The following FSIP1 variants were observed in gnomAD, a reference collection of about 807,000 sequenced individuals.
FSIP1 encodes fibrous sheath-interacting protein 1.
FSIP1 carries 65 observed loss-of-function variants against 60.9 expected under a neutral mutation model. That is an observed-to-expected ratio of 1.07 (90% CI 0.87 to 1.31). The LOEUF (loss-of-function observed/expected upper bound fraction) is 1.31. Among genes scored for constraint, FSIP1 ranks in the 40% most tolerant of loss-of-function variants. The pLI is 0.00. For synonymous variants in FSIP1, 209 were observed against 221.2 expected (o/e 0.94, Z 0.49); for missense variants, 675 against 665.5 (o/e 1.01, Z -0.16).
At chr15:39,771,655 G>A (rs1211920537) in intron 2 of FSIP1, among the ~76,000 whole-genome samples, 5 of 152,202 alleles carry the variant, frequency 3.3e-5, no homozygotes, top group African/African-American at 1.2e-4. Flanking sequence ...ACCCTATGGT[G>A]TAAGTTTCTC....
intron 9 of FSIP1, among the ~76,000 whole-genome samples, chr15:39,720,050 A>G (rs1895893973): frequency 6.6e-6 from 1 of 152,194 alleles, no homozygotes; most frequent in African/African-American, 2.4e-5. Flanking sequence ...GCATACATTT[A>G]AAAAATCCTA....
rs1896210870 is a variant in FSIP1, at chr15:39,726,695, G to A, written c.944C>T (p.Thr315Ile). ...VPVKGYELAV[T>I]QHQQLAEIDI... ...AATTTCAGCAAGCTGCTGATGCTGG[G>A]TGACTGCAAGTTCATATCCTTTTAC... The change falls in exon 9 of 12, where the codon ACC (threonine) becomes ATC (isoleucine). Residue 315 changes from threonine (T) to isoleucine (I), a missense_variant. Physicochemically the swap from Thr to Ile is moderately conservative, Grantham distance 89. Coordinates refer to ENST00000350221, the MANE Select transcript of FSIP1 (RefSeq NM_152597.5). 1 of 1,614,056 alleles carries A rather than the reference G, an allele frequency of 6.2e-7. No individual in the cohort carries two copies.
rs536498351 is a variant in FSIP1, at chr15:39,739,791, T to C, written c.656-2A>G. 1.9e-4 allele frequency: 292 copies of C among 1,546,246 alleles called. No homozygotes were observed. Among genetic ancestry groups the C allele is most frequent in the Non-Finnish European group, 2.5e-4 (284 of 1,153,328 alleles). ...TTCTTTCCACATCACAGGTAAAATC[T>C]AATATTAAAAAAGTTCAAAATTTTT... On this transcript the variant is annotated splice_acceptor_variant, in intron 6 of 11. Transcript: ENST00000350221. LOFTEE classifies it high-confidence loss of function.
At chr15:39,602,920 A>T (rs1018980254) in intron 11 of FSIP1, among the ~76,000 whole-genome samples, 1 of 152,174 alleles carries the variant, frequency 6.6e-6, no homozygotes, top group Non-Finnish European at 1.5e-5. Context: ...AGTAACAAAA[A>T]ATTTTTCATC....
chr15:39,723,354 G>A (rs1004626585), intron 9 of FSIP1, among the ~76,000 whole-genome samples: 6 of 152,128 alleles, frequency 3.9e-5, no homozygotes, highest in South Asian at 2.1e-4. Context: ...TCAGCCTCCC[G>A]AGTAGCTGGG....
intron 10 of FSIP1, among the ~76,000 whole-genome samples, chr15:39,644,442 A>G (rs1023484870): frequency 1.2e-4 from 18 of 152,280 alleles, no homozygotes; most frequent in African/African-American, 4.1e-4. Context: ...CTGCTGAACC[A>G]GGCTGCCATG....
At chr15:39,697,981 G>A (rs2140517826) in intron 10 of FSIP1, among the ~76,000 whole-genome samples, 1 of 151,356 alleles carries the variant, frequency 6.6e-6, no homozygotes, top group South Asian at 2.1e-4. Context: ...TTAGAATGTT[G>A]GGGAAATGTT....
chr15:39,702,532 G>A lies in FSIP1; in HGVS notation c.1188+10912C>T, dbSNP rs922967841. Among the ~76,000 whole-genome samples, 17 of 144,256 alleles carry A rather than the reference G, an allele frequency of 1.2e-4. No homozygotes were observed. The East Asian group carries it at 2.0e-3, about 17-fold the overall frequency. 94.6% of individuals were successfully genotyped at this position (144,256 alleles called of 152,430 possible). The stretch of plus-strand genomic sequence containing the variant: ...ATATAGCTAGAACTAGAACTCTCCC[G>A]TCCAGAGATTTGCACAGGGGCTGTA... On this transcript the variant is annotated intron_variant, in intron 10 of 11. Coordinates refer to ENST00000350221, the MANE Select transcript of FSIP1 (RefSeq NM_152597.5).
At chr15:39,631,996 C>G (rs1891911283) in intron 10 of FSIP1, among the ~76,000 whole-genome samples, 1 of 152,162 alleles carries the variant, frequency 6.6e-6, no homozygotes, top group African/African-American at 2.4e-5. Flanking sequence ...GCTCTGGCCT[C>G]TGCACTAGAT....
chr15:39,629,598 A>G (rs1399384097), intron 10 of FSIP1, among the ~76,000 whole-genome samples: 3 of 152,044 alleles, frequency 2.0e-5, no homozygotes, highest in African/African-American at 2.4e-5. Context: ...AGCAAACTCT[A>G]TTTCAAATGT....
At chr15:39,746,663 G>A (rs551349285) in intron 5 of FSIP1, among the ~76,000 whole-genome samples, 1 of 152,290 alleles carries the variant, frequency 6.6e-6, no homozygotes, top group Non-Finnish European at 1.5e-5. Context: ...CAATGGGACA[G>A]CAGACATTTT....
At chr15:39,713,609 A>G (rs902072486) in intron 9 of FSIP1, 28 bp from the exon 10 acceptor site, 3 of 1,573,428 alleles carry the variant, frequency 1.9e-6, no homozygotes, top group Non-Finnish European at 2.6e-6. Context: ...AAAAAACATC[A>G]TTCACAGGCT....
At chr15:39,652,493 T>C (rs1892910272) in intron 10 of FSIP1, among the ~76,000 whole-genome samples, 1 of 152,222 alleles carries the variant, frequency 6.6e-6, no homozygotes, top group African/African-American at 2.4e-5. Context: ...AAATTTGCTA[T>C]AGATTTTGCA....
chr15:39,650,030 C>T (rs902458660), intron 10 of FSIP1, among the ~76,000 whole-genome samples: 2 of 152,224 alleles, frequency 1.3e-5, no homozygotes, highest in African/African-American at 2.4e-5. Context: ...CCCCACTCAG[C>T]GTCCTTATCC....
At chr15:39,653,331 A>C (rs1892952429) in intron 10 of FSIP1, among the ~76,000 whole-genome samples, 1 of 152,112 alleles carries the variant, frequency 6.6e-6, no homozygotes, top group Non-Finnish European at 1.5e-5. Flanking sequence ...AACACTGTAC[A>C]CTTAGGCCAC....
intron 11 of FSIP1, among the ~76,000 whole-genome samples, chr15:39,606,914 T>C (rs1342767288): frequency 1.3e-5 from 2 of 152,178 alleles, no homozygotes; most frequent in African/African-American, 4.8e-5. Flanking sequence ...ATTAGATAAT[T>C]TGATTAAATA....
chr15:39,776,175 G>T (rs1898050621), intron 2 of FSIP1, among the ~76,000 whole-genome samples: 1 of 118,894 alleles, frequency 8.4e-6, no homozygotes, highest in Non-Finnish European at 1.8e-5. Flanking sequence ...GCAGAGGGAG[G>T]GGAGGGGCGG....
rs1320463689 is a variant in FSIP1, at chr15:39,713,586, T to C, written c.1051-5A>G. The stretch of plus-strand genomic sequence containing the variant: ...TTCACCATCACGGTCAGGTTTCTAA[T>C]TTAAAGAAAAAAAAAAAACATCATT... On this transcript the variant is annotated splice_region_variant and splice_polypyrimidine_tract_variant and intron_variant, in intron 9 of 11. Transcript: ENST00000350221. 1 of 1,574,114 alleles carries C rather than the reference T, an allele frequency of 6.4e-7. No individual in the cohort carries two copies. The highest frequency in any genetic ancestry group is 1.4e-5 in the African/African-American group (1 of 69,206).
intron 10 of FSIP1, among the ~76,000 whole-genome samples, chr15:39,702,379 C>T (rs1895094400): frequency 3.9e-5 from 1 of 25,654 alleles, no homozygotes; most frequent in Non-Finnish European, 1.1e-4. Context: ...CATTCCTACC[C>T]TCCAAGGAAT....
Sources: allele counts gnomAD v4.1 joint callset (sites outside exome capture counted in the v4.1 genomes callset), GRCh38; gene constraint gnomAD v4.1.1; transcripts MANE v1.5; gene names NCBI Gene and HGNC (gene_info 2026-07-23, HGNC 2026-07-21).